Variants in PTPN9 observed in about 807,000 individuals in gnomAD.
The protein encoded by PTPN9 is protein tyrosine phosphatase non-receptor type 9, also known as tyrosine-protein phosphatase non-receptor type 9.
PTPN9 carries 26 observed loss-of-function variants against 69.8 expected under a neutral mutation model. The observed-to-expected ratio is 0.37, with a 90% CI of 0.27 to 0.52. The LOEUF (loss-of-function observed/expected upper bound fraction) is 0.52. PTPN9 is among the 20% of genes least tolerant of loss of function. PTPN9 has a pLI of 0.91. For missense variants in PTPN9, 549 were observed against 740.3 expected, an observed-to-expected ratio of 0.74 and a Z score of 3.00; for synonymous variants, 274 against 272.5, an observed-to-expected ratio of 1.01 and a Z score of -0.05.
At chr15:75,494,884 C>G (rs2074731123) in intron 7 of PTPN9, among the ~76,000 whole-genome samples, 2 of 151,938 alleles carry the variant, frequency 1.3e-5, no homozygotes, top group South Asian at 4.2e-4. Flanking sequence ...ATTAGCCAGG[C>G]ATGATGGCAC....
chr15:75,469,627 T>C (rs112853281), intron 12 of PTPN9, among the ~76,000 whole-genome samples, 165 bp downstream of exon 12: 248 of 152,358 alleles, frequency 1.6e-3, no homozygotes, highest in African/African-American at 5.8e-3. Context: ...TGGCCATCAC[T>C]TGGTCCACCA....
chr15:75,520,437 A>AATAGATAGATAGATAG lies in PTPN9; in HGVS notation c.422+2668_422+2683dup, dbSNP rs138397961. Among the ~76,000 whole-genome samples, 133 of 140,372 alleles carry AATAGATAGATAGATAG rather than the reference A, an allele frequency of 9.5e-4. 1 individual carries two copies. The highest frequency in any genetic ancestry group is 3.6e-3 in the Middle Eastern group (1 of 274). 92.1% of individuals were successfully genotyped at this position (140,372 alleles called of 152,430 possible). A position where few individuals can be genotyped will look rare whatever the true frequency, so the allele number is the denominator to read the frequency against. On this transcript the variant is annotated intron_variant, in intron 4 of 12. Coordinates refer to ENST00000618819, the MANE Select transcript of PTPN9 (RefSeq NM_002833.4). ...AAGATTTTCACACTTTAGGGTATAG[A>AATAGATAGATAGATAG]ATAGATAGATAGATAGATAGATAGA...
At chr15:75,512,897 G>A (rs2074851324) in intron 5 of PTPN9, 1 of 333,086 alleles carries the variant, frequency 3.0e-6, no homozygotes. Context: ...GTATTTGCAA[G>A]CTACATGTTC....
chr15:75,517,481 C>T (rs537992827), intron 4 of PTPN9, 117 bp from the exon 5 acceptor site: 6 of 663,784 alleles, frequency 9.0e-6, no homozygotes, highest in African/African-American at 7.3e-5. Flanking sequence ...ATCAAAACAA[C>T]TGCCTGACTG....
At chr15:75,534,776 C>T (rs1188446428) in intron 1 of PTPN9, among the ~76,000 whole-genome samples, 1 of 151,772 alleles carries the variant, frequency 6.6e-6, no homozygotes, top group Admixed American at 6.6e-5. Context: ...AGTTTGAGAC[C>T]AGCCTGGCCA....
chr15:75,578,516 G>A (rs1380091077), intron 1 of PTPN9, among the ~76,000 whole-genome samples, 198 bp downstream of exon 1: 1 of 152,170 alleles, frequency 6.6e-6, no homozygotes, highest in African/African-American at 2.4e-5. Context: ...GCGGGAACGG[G>A]AGTAGGGTCC....
chr15:75,505,219 C>T (rs1386568644), intron 7 of PTPN9, among the ~76,000 whole-genome samples: 7 of 149,990 alleles, frequency 4.7e-5, no homozygotes, highest in African/African-American at 1.2e-4. Context: ...GGATTAAGGG[C>T]GGTGCAAGAT....
At chr15:75,533,668 G>T (rs2074972152) in intron 1 of PTPN9, among the ~76,000 whole-genome samples, 1 of 152,158 alleles carries the variant, frequency 6.6e-6, no homozygotes, top group African/African-American at 2.4e-5. Flanking sequence ...CTATGGCCAT[G>T]AAGATAAAGA....
chr15:75,566,711 G>T (rs2075127897), intron 1 of PTPN9, among the ~76,000 whole-genome samples: 1 of 151,950 alleles, frequency 6.6e-6, no homozygotes, highest in African/African-American at 2.4e-5. Flanking sequence ...ATATGGGCTG[G>T]GCACAGTGGT....
At chr15:75,520,878 A>G (rs2141319119) in intron 4 of PTPN9, among the ~76,000 whole-genome samples, 1 of 152,114 alleles carries the variant, frequency 6.6e-6, no homozygotes, top group South Asian at 2.1e-4. Flanking sequence ...ATCATGGCGC[A>G]CTGTAGCCTC....
chr15:75,548,963 A>G (rs1191642830), intron 1 of PTPN9, among the ~76,000 whole-genome samples: 1 of 150,660 alleles, frequency 6.6e-6, no homozygotes, highest in African/African-American at 2.4e-5. Context: ...AAAAATTTCA[A>G]AAAAAGAAAA....
intron 1 of PTPN9, among the ~76,000 whole-genome samples, chr15:75,543,448 T>C (rs1178166193): frequency 6.6e-6 from 1 of 152,226 alleles, no homozygotes; most frequent in Admixed American, 6.5e-5. Context: ...AGCTGAGGTT[T>C]TGAGCACTGA....
At chr15:75,578,649 G>A (rs1017804582) in intron 1 of PTPN9, 65 bp downstream of exon 1, 3 of 1,217,500 alleles carry the variant, frequency 2.5e-6, no homozygotes, top group Admixed American at 8.3e-5. Context: ...CACTCGGGAG[G>A]CAGAGGCCGG....
At chr15:75,486,216 A>G (rs1401330307) in intron 8 of PTPN9, among the ~76,000 whole-genome samples, 1 of 152,202 alleles carries the variant, frequency 6.6e-6, no homozygotes, top group African/African-American at 2.4e-5. Context: ...CCATTGCTAT[A>G]GACTGATCAT....
rs968039103 is a variant in PTPN9, at chr15:75,526,998, C to A, written c.207+120G>T. On this transcript the variant is annotated intron_variant, in intron 2 of 12. Coordinates refer to ENST00000618819, the MANE Select transcript of PTPN9 (RefSeq NM_002833.4). ...TCACAAGGGCTCCTGGATATGGATCCATTTTTTATGAAAGTGAGGAGGAAC... is the reference window on the plus strand; with the variant it reads ...TCACAAGGGCTCCTGGATATGGATCAATTTTTTATGAAAGTGAGGAGGAAC... 2.7e-5 allele frequency: 35 copies of A among 1,288,700 alleles called. No homozygotes were observed. In the African/African-American group the frequency reaches 5.1e-4, roughly 19 times the overall value. 79.8% of individuals were successfully genotyped at this position (1,288,700 alleles called of 1,614,324 possible).
At chr15:75,544,593 C>G (rs1316754523) in intron 1 of PTPN9, among the ~76,000 whole-genome samples, 2 of 152,046 alleles carry the variant, frequency 1.3e-5, no homozygotes, top group East Asian at 3.9e-4. Flanking sequence ...TCCTCATCCA[C>G]CAACAAGAGC....
chr15:75,539,040 AAG>A (rs1015250117), intron 1 of PTPN9, among the ~76,000 whole-genome samples: 4 of 152,066 alleles, frequency 2.6e-5, no homozygotes, highest in Non-Finnish European at 2.9e-5. Context: ...GAAAGAAAGA[AAG>A]AAAATGAACT....
intron 6 of PTPN9, among the ~76,000 whole-genome samples, chr15:75,507,492 C>T (rs1423407925): frequency 6.6e-6 from 1 of 150,878 alleles, no homozygotes; most frequent in East Asian, 1.9e-4. Flanking sequence ...CCTGGCTGGG[C>T]ACGGTGGCTT....
intron 8 of PTPN9, among the ~76,000 whole-genome samples, chr15:75,486,841 C>T (rs2074680898): frequency 7.0e-6 from 1 of 142,160 alleles, no homozygotes; most frequent in Non-Finnish European, 1.5e-5. Flanking sequence ...CTGGAGTGCA[C>T]TGGTGCGATC....
Sources: gnomAD v4.1 joint callset for allele counts (sites outside exome capture counted in the v4.1 genomes callset) on GRCh38, gnomAD v4.1.1 for gene constraint, MANE v1.5 for transcripts, NCBI Gene and HGNC (gene_info 2026-07-23, HGNC 2026-07-21) for gene names.